The following FLNB variants were observed in gnomAD, a reference collection of about 807,000 sequenced individuals.
FLNB encodes the protein filamin-B.
FLNB carries 111 observed loss-of-function variants against 250.6 expected under a neutral mutation model. That is an observed-to-expected ratio of 0.44 (90% CI 0.38 to 0.52). The LOEUF (loss-of-function observed/expected upper bound fraction) is 0.52. FLNB is among the 20% of genes least tolerant of loss of function. The pLI, the probability that FLNB is intolerant of heterozygous loss-of-function variation, is 0.00. For synonymous variants in FLNB, 1,302 were observed against 1,372.1 expected (o/e 0.95, Z 1.13); for missense variants, 2,869 against 3,447.8 (o/e 0.83, Z 4.20).
At chr3:58,019,340 C>CT (rs1215957194) in intron 1 of FLNB, among the ~76,000 whole-genome samples, 8 of 152,196 alleles carry the variant, frequency 5.3e-5, no homozygotes, top group African/African-American at 1.4e-4. Flanking sequence ...TTTTAAAAAC[C>CT]TGCTTGTAAC....
At chr3:58,066,929 A>G (rs550401486) in intron 1 of FLNB, among the ~76,000 whole-genome samples, 11 of 152,346 alleles carry the variant, frequency 7.2e-5, no homozygotes, top group African/African-American at 2.6e-4. Flanking sequence ...TGAGGCAAAA[A>G]TTGTCCAGCA....
chr3:58,162,139 T>C (rs1426517216), intron 42 of FLNB, among the ~76,000 whole-genome samples: 1 of 152,172 alleles, frequency 6.6e-6, no homozygotes, highest in Non-Finnish European at 1.5e-5. Context: ...CCAAAGGACG[T>C]AGGGTGCACA....
At position 58,126,739 on chromosome 3, in the gene FLNB, C is replaced by T. The variant is rs754064871; in HGVS notation, c.4199C>T (p.Thr1400Ile). 2.5e-6 allele frequency: 4 copies of T among 1,613,826 alleles called. No homozygotes were observed. The highest frequency in any genetic ancestry group is 1.6e-4 in the Middle Eastern group (1 of 6,062). ...CCGGGGGATTACGATGTTAATATCA[C>T]ATATGGAGGAGCCCACATCCCCGGT... ...FAPGDYDVNI[T>I]YGGAHIPGSP... Residue 1400 changes from threonine to isoleucine, a missense_variant, in exon 24 of 46, where the codon ACA becomes ATA. By Grantham distance (89) the Thr-to-Ile change is moderately conservative. Around this residue, in one of 5 missense-constraint regions of FLNB, gnomAD observed 1,348 missense variants for 1,466.7 expected, o/e 0.92. Transcript: ENST00000295956.
At chr3:58,152,807 G>A (rs773008574) in intron 38 of FLNB, 21 of 1,245,598 alleles carry the variant, frequency 1.7e-5, no homozygotes, top group South Asian at 1.6e-4. Context: ...CCCCGCATGC[G>A]GCCGCCTGGC....
In FLNB at chr3:58,102,337, C is replaced by T. The variant is rs2097252456; in HGVS notation, c.1480C>T (p.Pro494Ser). 1 of 1,611,906 alleles carries T rather than the reference C, an allele frequency of 6.2e-7. No individual in the cohort carries two copies. Among genetic ancestry groups the T allele is most frequent in the African/African-American group, 1.3e-5 (1 of 74,174 alleles). Residue 494 changes from proline (P) to serine (S), a missense_variant, in exon 9 of 46, where the codon CCT becomes TCT. Pro to Ser is a moderately conservative substitution (Grantham distance 74, BLOSUM62 -1). Around this residue, in one of 5 missense-constraint regions of FLNB, gnomAD observed 1,348 missense variants for 1,466.7 expected, o/e 0.92. Coordinates refer to ENST00000295956, the MANE Select transcript of FLNB (RefSeq NM_001457.4). ...GGAGCTCGGTGTAACCATGAAGGGT[C>T]CTAGTAAGTGTTCCTTTGTTTCTCT... is the stretch of plus-strand genomic sequence containing the variant. Reference protein sequence around the residue: ...SGELGVTMKGPKGLEELVKQK... With the variant: ...SGELGVTMKGSKGLEELVKQK...
chr3:58,138,016 A>T (rs756829994), intron 28 of FLNB, among the ~76,000 whole-genome samples: 4 of 152,188 alleles, frequency 2.6e-5, no homozygotes, highest in Non-Finnish European at 5.9e-5. Flanking sequence ...GTCAACCTTC[A>T]TTGCCATACC....
At chr3:58,130,637 C>G in intron 24 of FLNB, 104 bp from the exon 25 acceptor site, 1 of 1,199,738 alleles carries the variant, frequency 8.3e-7, no homozygotes, top group South Asian at 1.3e-5. Context: ...TGACCGAGGC[C>G]TGCATGGCCG....
rs78356052 is a variant in FLNB, at chr3:58,153,263, G to A, written c.6368-112G>A. 3,055 of 1,269,098 alleles carry A rather than the reference G, an allele frequency of 2.4e-3. 53 individuals are homozygous for A. In the African/African-American group the frequency reaches 0.039, roughly 16 times the overall value. 78.6% of individuals were successfully genotyped at this position (1,269,098 alleles called of 1,614,324 possible). ...AGGGAAGGAAGCCTGGGCACCTCAC[G>A]TCCACCGGGCTGCACACACCTTGCT... On this transcript the variant is annotated intron_variant, in intron 38 of 45. Coordinates refer to ENST00000295956, the MANE Select transcript of FLNB (RefSeq NM_001457.4).
At chr3:58,158,779 G>A (rs540691280) in intron 41 of FLNB, among the ~76,000 whole-genome samples, 65 of 152,280 alleles carry the variant, frequency 4.3e-4, no homozygotes, top group African/African-American at 1.3e-3. Context: ...CCAGGGAAGA[G>A]CAAAAGCTAT....
At position 58,126,672 on chromosome 3, in the gene FLNB, A is replaced by G. The variant is rs1434800364; in HGVS notation, c.4132A>G (p.Asn1378Asp). 2.5e-6 allele frequency: 4 copies of G among 1,613,822 alleles called. No individual in the cohort carries two copies. Among genetic ancestry groups the G allele is most frequent in the East Asian group, 4.5e-5 (2 of 44,884 alleles). Reference sequence around the variant, plus strand: ...AGAGTCGAAGATAAATTGCAGAGACAACAAGGATGGCAGCTGCAGTGCTGA... The same window carrying G: ...AGAGTCGAAGATAAATTGCAGAGACGACAAGGATGGCAGCTGCAGTGCTGA... ...PSESKINCRD[N>D]KDGSCSAEYI... The change falls in exon 24 of 46, where the codon AAC (asparagine) becomes GAC (aspartate). Residue 1378 changes from asparagine (N) to aspartate (D), a missense_variant. Transcript: ENST00000295956.
chr3:58,110,484 C>T (rs2097266713), intron 16 of FLNB, among the ~76,000 whole-genome samples: 1 of 147,062 alleles, frequency 6.8e-6, no homozygotes, highest in Non-Finnish European at 1.5e-5. Context: ...GAGTTTTGCT[C>T]TTGTTGCCCA....
At position 58,077,145 on chromosome 3, in the gene FLNB, A is replaced by C. The variant is rs1231182937; in HGVS notation, c.392A>C (p.Glu131Ala). The C allele has an allele frequency of 6.2e-7, 1 of 1,614,152 alleles. No individual in the cohort carries two copies. Among genetic ancestry groups the C allele is most frequent in the East Asian group, 2.2e-5 (1 of 44,860 alleles). ...YSISMPVWED[E>A]GDDDAKKQTP... is the part of the protein sequence containing the mutation. ...ATCTCCATGCCCGTGTGGGAGGATG[A>C]AGGGGATGATGATGCCAAGAAGCAG... Residue 131 changes from glutamate to alanine, a missense_variant, in exon 2 of 46, where the codon GAA (glutamate) becomes GCA (alanine). Around this residue, in one of 5 missense-constraint regions of FLNB, gnomAD observed 308 missense variants for 466.1 expected, o/e 0.66. Coordinates refer to ENST00000295956, the MANE Select transcript of FLNB (RefSeq NM_001457.4).
At chr3:58,070,347 A>G (rs2097192344) in intron 1 of FLNB, among the ~76,000 whole-genome samples, 1 of 152,072 alleles carries the variant, frequency 6.6e-6, no homozygotes, top group South Asian at 2.1e-4. Context: ...CCCGGCCGAC[A>G]CTTGGCATTC....
chr3:58,037,312 G>A (rs940017864), intron 1 of FLNB, among the ~76,000 whole-genome samples: 5 of 152,108 alleles, frequency 3.3e-5, no homozygotes, highest in Admixed American at 1.3e-4. Flanking sequence ...CCATCCGCTC[G>A]CTTTGGCCTC....
Position 58,143,586 on chromosome 3 carries a change from A to C in FLNB, c.5398A>C (p.Ile1800Leu). The change falls in exon 32 of 46, where the codon ATC becomes CTC. Residue 1800 changes from isoleucine to leucine, a missense_variant. Coordinates refer to ENST00000295956, the MANE Select transcript of FLNB (RefSeq NM_001457.4). ...TGAGGTCGGGCTCCATGAGATGCAC[A>C]TCAAATACATGGGCAGCCACATCCC... ...PTEVGLHEMH[I>L]KYMGSHIPES... 6.2e-7 allele frequency: 1 copy of C among 1,614,134 alleles called. No homozygotes were observed. Among genetic ancestry groups the C allele is most frequent in the Non-Finnish European group, 8.5e-7 (1 of 1,180,034 alleles).
intron 1 of FLNB, among the ~76,000 whole-genome samples, chr3:58,063,182 C>T (rs1369488859): frequency 2.0e-5 from 3 of 152,192 alleles, no homozygotes; most frequent in African/African-American, 7.2e-5. Flanking sequence ...TTCTAGCTGC[C>T]CCATCACTAA....
intron 4 of FLNB, among the ~76,000 whole-genome samples, chr3:58,085,744 A>T (rs542860822): frequency 6.6e-6 from 1 of 152,290 alleles, no homozygotes; most frequent in African/African-American, 2.4e-5. Flanking sequence ...CTGTAGAGCA[A>T]TCCTTAAGCA....
chr3:58,034,560 G>A (rs1258120269), intron 1 of FLNB, among the ~76,000 whole-genome samples: 1 of 152,172 alleles, frequency 6.6e-6, no homozygotes, highest in African/African-American at 2.4e-5. Flanking sequence ...GGAAACCGAG[G>A]CACTGAGAGG....
intron 25 of FLNB, chr3:58,132,101 C>T (rs1300896178): frequency 1.1e-6 from 1 of 896,482 alleles, no homozygotes; most frequent in Non-Finnish European, 1.8e-6. Flanking sequence ...TTACACCTGC[C>T]TCATCTGCTT....
Sources: allele counts gnomAD v4.1 joint callset (sites outside exome capture counted in the v4.1 genomes callset), GRCh38; gene constraint gnomAD v4.1.1; regional missense constraint gnomAD v4.1.1; transcripts MANE v1.5; gene names NCBI Gene and HGNC (gene_info 2026-07-23, HGNC 2026-07-21).